The following ST18 variants were observed in gnomAD, a reference collection of about 807,000 sequenced individuals.
ST18 encodes suppression of tumorigenicity 18 protein.
Under a neutral mutation model 110.0 loss-of-function variants are expected in ST18, and 50 were observed. The observed-to-expected ratio is 0.45, with a 90% CI of 0.36 to 0.58. The LOEUF is 0.58. ST18 is among the 20% of genes least tolerant of loss of function. The pLI is 0.00. For missense variants in ST18, 1,306 were observed against 1,280.1 expected (o/e 1.02, Z -0.31); for synonymous variants, 461 against 452.4 (o/e 1.02, Z -0.24).
In ST18 at chr8:52,116,294, T is replaced by C; in HGVS notation, c.2984A>G (p.Asp995Gly). The C allele has an allele frequency of 1.9e-6, 3 of 1,613,706 alleles. No individual in the cohort carries two copies. Among genetic ancestry groups the C allele is most frequent in the Middle Eastern group, 1.7e-4 (1 of 6,060 alleles). ...ACTTACCATCTGTGGAAGCTGGATG[T>C]CAGCAAGGCTTGAAATGAGAGCTTG... Reference protein sequence around the residue: ...LSQALISSLADIQLPQMGPIS... With the variant: ...LSQALISSLAGIQLPQMGPIS... The change falls in exon 25 of 26, where the codon GAC (aspartate) becomes GGC (glycine). Residue 995 changes from aspartate to glycine, a missense_variant. Physicochemically the swap from Asp to Gly is moderately conservative, Grantham distance 94. Transcript: ENST00000689386.
At chr8:52,345,055 A>G (rs1485051289) in intron 2 of ST18, among the ~76,000 whole-genome samples, 2 of 152,206 alleles carry the variant, frequency 1.3e-5, no homozygotes, top group East Asian at 1.9e-4. Context: ...GGCTTTCTCA[A>G]TACATATAAT....
At chr8:52,252,339 C>CAACT (rs1270478091) in intron 2 of ST18, among the ~76,000 whole-genome samples, 1 of 151,936 alleles carries the variant, frequency 6.6e-6, no homozygotes, top group Non-Finnish European at 1.5e-5. Flanking sequence ...GAAATAAAGA[C>CAACT]AACTATTCAG....
chr8:52,251,728 A>G (rs2094319079), intron 2 of ST18, among the ~76,000 whole-genome samples: 1 of 152,096 alleles, frequency 6.6e-6, no homozygotes, highest in South Asian at 2.1e-4. Flanking sequence ...AAATGAATTA[A>G]TGAATTAAAT....
At chr8:52,243,929 AT>A (rs1362948828) in intron 2 of ST18, among the ~76,000 whole-genome samples, 2 of 152,206 alleles carry the variant, frequency 1.3e-5, no homozygotes, top group East Asian at 1.9e-4. Flanking sequence ...TGTTTCCATT[AT>A]TTGACAAAGT....
At chr8:52,388,457 G>C (rs1202285774) in intron 2 of ST18, among the ~76,000 whole-genome samples, 2 of 152,066 alleles carry the variant, frequency 1.3e-5, no homozygotes, top group African/African-American at 4.8e-5. Flanking sequence ...ATAGGAGCAC[G>C]TTGCACACGG....
intron 2 of ST18, among the ~76,000 whole-genome samples, chr8:52,292,548 C>T (rs1278817842): frequency 6.6e-6 from 1 of 152,194 alleles, no homozygotes; most frequent in East Asian, 1.9e-4. Flanking sequence ...CGAACAGAAT[C>T]TTTACATTCT....
intron 2 of ST18, among the ~76,000 whole-genome samples, chr8:52,397,545 C>T (rs1044606330): frequency 7.9e-5 from 12 of 152,138 alleles, no homozygotes; most frequent in Non-Finnish European, 1.6e-4. Flanking sequence ...CAATGTCAAG[C>T]AGCTTTTCCC....
At chr8:52,295,101 C>G (rs116853374) in intron 2 of ST18, among the ~76,000 whole-genome samples, 2 of 152,340 alleles carry the variant, frequency 1.3e-5, no homozygotes, top group Non-Finnish European at 2.9e-5. Context: ...TCTAGCCTGA[C>G]AAACCAGTGA....
At chr8:52,208,753 G>C (rs2081064973) in intron 8 of ST18, among the ~76,000 whole-genome samples, 1 of 152,206 alleles carries the variant, frequency 6.6e-6, no homozygotes, top group East Asian at 1.9e-4. Context: ...GGGAGGCGGA[G>C]CTTGCAGTGA....
In ST18 at chr8:52,171,718, A is replaced by T. The variant is rs778156480; in HGVS notation, c.1069+74T>A. ...ACTGTTAAAAAGCTACCTGAAAAAA[A>T]TAATCAAATCTGACTTTTTTTTCAA... On this transcript the variant is annotated intron_variant, in intron 10 of 25. Coordinates refer to ENST00000689386, the MANE Select transcript of ST18 (RefSeq NM_001352837.2). 3.3e-4 allele frequency: 506 copies of T among 1,525,246 alleles called. 3 individuals carry two copies. The highest frequency in any genetic ancestry group is 1.5e-4 in the Non-Finnish European group (166 of 1,116,694). The allele number at this position is 1,525,246 out of a possible 1,614,324, so 94.5% of individuals were successfully genotyped here.
intron 2 of ST18, among the ~76,000 whole-genome samples, chr8:52,374,674 C>A (rs1462609926): frequency 6.6e-6 from 1 of 152,078 alleles, no homozygotes; most frequent in African/African-American, 2.4e-5. Flanking sequence ...TTCCCCAATG[C>A]TCTCCACTCC....
intron 2 of ST18, among the ~76,000 whole-genome samples, chr8:52,270,904 A>T (rs991570525): frequency 3.3e-5 from 5 of 150,642 alleles, no homozygotes; most frequent in Admixed American, 1.3e-4. Flanking sequence ...AAGTGGTTAT[A>T]AGTTTTGTTT....
chr8:52,150,082 T>C, intron 15 of ST18, 105 bp from the exon 16 acceptor site: 6 of 1,417,662 alleles, frequency 4.2e-6, no homozygotes, highest in South Asian at 1.4e-5. Flanking sequence ...TTTATGTAAG[T>C]ATATCTGCTT....
rs999995422 is a variant in ST18 at position 52,111,258 on chromosome 8, C to A, written c.*1940G>T. ...TTGTTAAAATATTTAGCAAATTAAA[C>A]GTTTGTCTTTGTAATAAGTGAGCTC... On this transcript the variant is annotated 3_prime_UTR_variant, in exon 26 of 26. Transcript: ENST00000689386. 1 of 317,472 alleles carries A rather than the reference C, an allele frequency of 3.1e-6. No individual in the cohort carries two copies. Among genetic ancestry groups the A allele is most frequent in the Non-Finnish European group, 5.7e-6 (1 of 175,496 alleles). The allele number at this position is 317,472 out of a possible 1,614,324, so 19.7% of individuals were successfully genotyped here.
chr8:52,373,903 A>G (rs1421010115), intron 2 of ST18, among the ~76,000 whole-genome samples: 1 of 152,066 alleles, frequency 6.6e-6, no homozygotes, highest in Non-Finnish European at 1.5e-5. Flanking sequence ...ACGCATCTCA[A>G]GTGGGGCCTC....
At chr8:52,250,445 CAAAAAAAAAAAAAAA>C (rs1159770176) in intron 2 of ST18, among the ~76,000 whole-genome samples, 64 of 4,284 alleles carry the variant, frequency 0.015, 1 homozygote, top group Admixed American at 7.9e-3. Flanking sequence ...GCCTCAAAGG[CAAAAAAAAAAAAAAA>C]AAAAAAAAAA....
chr8:52,308,931 C>T (rs1027691839), intron 2 of ST18, among the ~76,000 whole-genome samples: 3 of 152,224 alleles, frequency 2.0e-5, no homozygotes, highest in African/African-American at 7.2e-5. Context: ...CGCCATGGTA[C>T]ACAGATGGGC....
At chr8:52,339,781 T>C (rs559127102) in intron 2 of ST18, among the ~76,000 whole-genome samples, 1 of 152,242 alleles carries the variant, frequency 6.6e-6, no homozygotes, top group South Asian at 2.1e-4. Context: ...TCCTTTCCCA[T>C]GTCACCCCTT....
intron 2 of ST18, among the ~76,000 whole-genome samples, chr8:52,403,134 G>C (rs1843317434): frequency 6.6e-6 from 1 of 152,116 alleles, no homozygotes; most frequent in Non-Finnish European, 1.5e-5. Context: ...AAATGGGGTG[G>C]CTTCTAGGTA....
Sources: allele counts gnomAD v4.1 joint callset (sites outside exome capture counted in the v4.1 genomes callset), GRCh38; gene constraint gnomAD v4.1.1; transcripts MANE v1.5; gene names NCBI Gene and HGNC (gene_info 2026-07-23, HGNC 2026-07-21).